ZNF600: variants seen among roughly 807,000 people sequenced by gnomAD.
The protein encoded by ZNF600 is zinc finger protein 600.
In ZNF600, 4 loss-of-function variants were observed where a neutral mutation model predicts 7.3. The observed-to-expected ratio is 0.55, with a 90% CI of 0.27 to 1.25. ZNF600 has a LOEUF of 1.25. ZNF600 is among the 50% of genes most tolerant of loss of function. The probability of loss-of-function intolerance (pLI) is 0.12; values close to 1 mark genes in which losing one functional copy is unlikely to be tolerated. For synonymous variants in ZNF600, 290 were observed against 308.9 expected (o/e 0.94, Z 0.64); for missense variants, 911 against 922.1 (o/e 0.99, Z 0.16).
the ZNF600 span, chr19:52,808,140 T>C: frequency 6.2e-7 from 1 of 1,612,618 alleles, no homozygotes; most frequent in African/African-American, 1.3e-5. Context: ...GACCCTGAAA[T>C]GGAAACACAT....
At chr19:52,792,369 C>T in the ZNF600 span, among the ~76,000 whole-genome samples, 4 of 152,238 alleles carry the variant, frequency 2.6e-5, no homozygotes, top group South Asian at 8.3e-4. Flanking sequence ...TTCAAAGTCA[C>T]CCCTCTGCTC....
chr19:52,799,474 CA>C, the ZNF600 span: 3 of 920,858 alleles, frequency 3.3e-6, no homozygotes, highest in Non-Finnish European at 5.2e-6. Context: ...TGATGACGTG[CA>C]AGGGTTGTTT....
Position 52,767,324 on chromosome 19 carries a change from C to T in ZNF600, c.639G>A (p.Pro213=), listed in dbSNP as rs370605037. 1.2e-4 allele frequency: 196 copies of T among 1,614,048 alleles called. No individual in the cohort carries two copies. The African/African-American group carries it at 1.7e-3, about 14-fold the overall frequency. ...GTTTTTGTGGGAGTAGTGAAGAATT[C>T]GGGGAATTATTCCCATAGTTATTAG... The change falls in exon 4 of 4, where the codon CCG becomes CCA. Residue 213 remains proline (P), a synonymous_variant. Coordinates refer to ENST00000648973, the Ensembl canonical transcript of ZNF600.
At chr19:52,807,857 A>G in the ZNF600 span, 2 of 1,243,038 alleles carry the variant, frequency 1.6e-6, no homozygotes, top group Non-Finnish European at 2.2e-6. Context: ...AACAAAGGGG[A>G]CAGTGAAAGT....
the ZNF600 span, among the ~76,000 whole-genome samples, chr19:52,820,113 T>TGCTCCTTCTCCCCAA: frequency 1.5e-5 from 2 of 133,166 alleles, no homozygotes; most frequent in African/African-American, 6.4e-5. Context: ...AACCTCTTTT[T>TGCTCCTTCTCCCCAA]TTTTTTTTTT....
chr19:52,810,531 G>C, the ZNF600 span: 4 of 1,596,926 alleles, frequency 2.5e-6, no homozygotes, highest in African/African-American at 2.7e-5. Flanking sequence ...ATCCCAAAGC[G>C]AACCAACAGA....
intron 3 of ZNF600, among the ~76,000 whole-genome samples, chr19:52,774,065 C>T (rs944090735): frequency 6.6e-5 from 10 of 151,940 alleles, no homozygotes; most frequent in African/African-American, 2.4e-4. Context: ...ACCCAGATGT[C>T]CATCAACAGA....
the ZNF600 span, among the ~76,000 whole-genome samples, chr19:52,793,805 C>T: frequency 9.2e-6 from 1 of 108,806 alleles, no homozygotes; most frequent in Non-Finnish European, 1.9e-5. Context: ...CACACACACA[C>T]ACACACACAC....
At chr19:52,776,615 T>G (rs11671849) in intron 2 of ZNF600, among the ~76,000 whole-genome samples, 118,869 of 151,968 alleles carry the variant, frequency 0.78, 46,955 homozygotes, top group African/African-American at 0.84. Context: ...TTTCACCATC[T>G]TAGCCAGGCT....
the ZNF600 span, among the ~76,000 whole-genome samples, chr19:52,807,032 T>C: frequency 0.43 from 65,351 of 152,062 alleles, 15,960 homozygotes; most frequent in Non-Finnish European, 0.57. Context: ...TGCAGAGAGT[T>C]TCCCCACACA....
the ZNF600 span, chr19:52,809,814 A>AGCGGCGAAGGCGGCGGCG: frequency 3.0e-6 from 1 of 329,608 alleles, no homozygotes; most frequent in East Asian, 3.7e-5. Context: ...GCCCAGTCTG[A>AGCGGCGAAGGCGGCGGCG]GCGGCGAAGG....
At chr19:52,787,721 G>A (rs761187484), upstream of ZNF600, among the ~76,000 whole-genome samples, 23 of 150,778 alleles carry the variant, frequency 1.5e-4, no homozygotes, top group Non-Finnish European at 3.1e-4. Context: ...TTAGCCAAGC[G>A]TGGTGGTGGG....
At chr19:52,798,376 T>C in the ZNF600 span, 1 of 365,378 alleles carries the variant, frequency 2.7e-6, no homozygotes, top group Non-Finnish European at 5.4e-6. Context: ...CTCAGGTCAG[T>C]GCTCATTTAA....
At chr19:52,783,096 G>C (rs1390563695) in intron 1 of ZNF600, among the ~76,000 whole-genome samples, 1 of 148,200 alleles carries the variant, frequency 6.7e-6, no homozygotes, top group Admixed American at 6.8e-5. Context: ...CACAAGGAAT[G>C]AGTCAAGTCA....
upstream of ZNF600, among the ~76,000 whole-genome samples, chr19:52,787,161 G>C (rs528058997): frequency 2.4e-3 from 358 of 152,300 alleles, 1 homozygote; most frequent in African/African-American, 7.4e-3. Flanking sequence ...GCTTCAAAGT[G>C]TTCCCTAGGG....
chr19:52,793,216 G>A, the ZNF600 span, among the ~76,000 whole-genome samples: 5 of 152,102 alleles, frequency 3.3e-5, no homozygotes, highest in Middle Eastern at 3.2e-3. Context: ...GATGTCTCAC[G>A]TCTCCATGTA....
chr19:52,799,036 A>G, the ZNF600 span: 2 of 593,204 alleles, frequency 3.4e-6, no homozygotes, highest in Non-Finnish European at 5.7e-6. Flanking sequence ...TTTCTCCAGT[A>G]TGAATTCTCC....
At chr19:52,828,597 T>G in the ZNF600 span, among the ~76,000 whole-genome samples, 2 of 152,158 alleles carry the variant, frequency 1.3e-5, no homozygotes, top group African/African-American at 2.4e-5. Flanking sequence ...TAGTTCACCA[T>G]GCATAAGATA....
intron 1 of ZNF600, among the ~76,000 whole-genome samples, chr19:52,785,647 C>G (rs2062757428): frequency 6.6e-6 from 1 of 152,084 alleles, no homozygotes; most frequent in Non-Finnish European, 1.5e-5. Flanking sequence ...CTCCTCTGCT[C>G]TCCCTATTAA....
Sources: gnomAD v4.1 joint callset for allele counts (sites outside exome capture counted in the v4.1 genomes callset) on GRCh38, gnomAD v4.1.1 for gene constraint, MANE v1.5 for transcripts, NCBI Gene and HGNC (gene_info 2026-07-23, HGNC 2026-07-21) for gene names.